GPC6: variants seen among roughly 807,000 people sequenced by gnomAD.
GPC6 encodes the protein glypican-6.
A neutral mutation model predicts 55.2 loss-of-function variants in GPC6; 14 were observed. That is an observed-to-expected ratio of 0.25 (90% CI 0.17 to 0.40). GPC6 has a LOEUF of 0.40. Among genes scored for constraint, GPC6 ranks in the 10% least tolerant of loss-of-function variants. The probability of loss-of-function intolerance (pLI) is 1.00; values close to 1 mark genes in which losing one functional copy is unlikely to be tolerated. For missense variants in GPC6, 641 were observed against 708.5 expected (o/e 0.90, Z 1.08); for synonymous variants, 278 against 259.6 (o/e 1.07, Z -0.68).
At chr13:94,050,650 C>T (rs1286996703) in intron 4 of GPC6, among the ~76,000 whole-genome samples, 3 of 152,124 alleles carry the variant, frequency 2.0e-5, no homozygotes, top group South Asian at 2.1e-4. Flanking sequence ...CTGGCACCAG[C>T]GCTAAGGTGC....
At chr13:93,822,625 T>C (rs1369359240) in intron 2 of GPC6, among the ~76,000 whole-genome samples, 4 of 143,118 alleles carry the variant, frequency 2.8e-5, no homozygotes, top group Non-Finnish European at 4.6e-5. Context: ...AGCCCCAGTG[T>C]GTGATGTTCC....
intron 2 of GPC6, among the ~76,000 whole-genome samples, chr13:93,765,501 A>C (rs1033406595): frequency 6.6e-6 from 1 of 152,122 alleles, no homozygotes; most frequent in Non-Finnish European, 1.5e-5. Flanking sequence ...AAAAAAAATG[A>C]GATGAGTTTA....
chr13:94,072,660 T>G (rs1361712005), intron 4 of GPC6, among the ~76,000 whole-genome samples: 1 of 152,218 alleles, frequency 6.6e-6, no homozygotes, highest in Non-Finnish European at 1.5e-5. Flanking sequence ...CCGCCCCTTG[T>G]ATATAGACTT....
intron 3 of GPC6, among the ~76,000 whole-genome samples, chr13:93,895,130 G>A (rs1452216543): frequency 6.8e-6 from 1 of 147,832 alleles, no homozygotes; most frequent in African/African-American, 2.5e-5. Flanking sequence ...GTCCATATAT[G>A]TCTATATATA....
chr13:94,333,887 A>T (rs1415942131), intron 6 of GPC6, among the ~76,000 whole-genome samples: 1 of 152,166 alleles, frequency 6.6e-6, no homozygotes, highest in East Asian at 1.9e-4. Context: ...AACTATTAGG[A>T]TGGAGAAACT....
chr13:93,713,837 G>C (rs1042660805), intron 2 of GPC6, among the ~76,000 whole-genome samples: 18 of 151,780 alleles, frequency 1.2e-4, no homozygotes, highest in Non-Finnish European at 2.1e-4. Flanking sequence ...TCTCAGGCTA[G>C]CAGCTCTAAC....
chr13:93,505,931 A>G (rs1278893982), intron 1 of GPC6, among the ~76,000 whole-genome samples: 1 of 152,210 alleles, frequency 6.6e-6, no homozygotes, highest in Non-Finnish European at 1.5e-5. Flanking sequence ...CTGCCTGTGT[A>G]TCTATTATAA....
chr13:93,395,763 T>C (rs1875826360), intron 1 of GPC6: 1 of 152,940 alleles, frequency 6.5e-6, no homozygotes, highest in Non-Finnish European at 1.5e-5. Context: ...ATTGGTTGTT[T>C]CAAAGCTCAG....
At chr13:94,126,343 A>C in intron 4 of GPC6, among the ~76,000 whole-genome samples, 1 of 152,178 alleles carries the variant, frequency 6.6e-6, no homozygotes, top group East Asian at 1.9e-4. Context: ...TGATCATGCA[A>C]CTGTACTCCA....
At chr13:93,880,458 C>T (rs974550680) in intron 3 of GPC6, among the ~76,000 whole-genome samples, 7 of 151,980 alleles carry the variant, frequency 4.6e-5, no homozygotes, top group East Asian at 1.9e-4. Flanking sequence ...AGCAAACTAT[C>T]GCAAGAACAA....
At chr13:93,552,105 G>T (rs1349554321) in intron 2 of GPC6, among the ~76,000 whole-genome samples, 1 of 152,122 alleles carries the variant, frequency 6.6e-6, no homozygotes, top group Non-Finnish European at 1.5e-5. Context: ...CTGTACATTT[G>T]CTAGGCTACC....
At position 94,124,402 on chromosome 13, in the gene GPC6, T is replaced by C. The variant is rs370207317; in HGVS notation, c.877+96508T>C. On this transcript the variant is annotated intron_variant, in intron 4 of 8. Transcript: ENST00000377047. Reference sequence around the variant, plus strand: ...CAGCTTGGCACCTGTGATGCAAAGATAATCAAGTCATGATTCCTGCCTTCA... The same window carrying C: ...CAGCTTGGCACCTGTGATGCAAAGACAATCAAGTCATGATTCCTGCCTTCA... Among the ~76,000 whole-genome samples, 42 of 152,240 alleles carry C rather than the reference T, an allele frequency of 2.8e-4. No homozygotes were observed. The South Asian group carries it at 8.7e-3, about 32-fold the overall frequency.
chr13:93,372,308 A>G (rs1222904490), intron 1 of GPC6, among the ~76,000 whole-genome samples: 1 of 90,310 alleles, frequency 1.1e-5, no homozygotes, highest in Non-Finnish European at 2.7e-5. Flanking sequence ...CTTATTGGCT[A>G]TGAGTTTGCT....
intron 7 of GPC6, among the ~76,000 whole-genome samples, chr13:94,384,508 CTGA>C (rs1251034676): frequency 6.6e-6 from 1 of 152,146 alleles, no homozygotes; most frequent in Non-Finnish European, 1.5e-5. Flanking sequence ...ACACAGGTTG[CTGA>C]TATTAGTCCA....
chr13:94,040,316 T>C (rs1226697173), intron 4 of GPC6, among the ~76,000 whole-genome samples: 1 of 151,816 alleles, frequency 6.6e-6, no homozygotes, highest in African/African-American at 2.4e-5. Flanking sequence ...AAACACAATA[T>C]GTAAGGACCA....
intron 4 of GPC6, among the ~76,000 whole-genome samples, chr13:94,280,055 A>T (rs914352968): frequency 6.6e-6 from 1 of 152,148 alleles, no homozygotes; most frequent in Non-Finnish European, 1.5e-5. Flanking sequence ...AAAGTCTCCC[A>T]CTATTATTGT....
chr13:93,575,274 G>A (rs1876603388), intron 2 of GPC6, among the ~76,000 whole-genome samples: 1 of 152,120 alleles, frequency 6.6e-6, no homozygotes, highest in Admixed American at 6.6e-5. Context: ...CTGGGGTATA[G>A]AACGATACTC....
At chr13:93,857,605 T>G (rs377131923) in intron 3 of GPC6, among the ~76,000 whole-genome samples, 38 of 151,624 alleles carry the variant, frequency 2.5e-4, no homozygotes, top group African/African-American at 8.0e-4. Context: ...AAAGAAGCTT[T>G]AAATTGAAAT....
At chr13:93,782,743 T>G (rs1406100674) in intron 2 of GPC6, among the ~76,000 whole-genome samples, 1 of 152,144 alleles carries the variant, frequency 6.6e-6, no homozygotes, top group African/African-American at 2.4e-5. Context: ...GAAATATTTG[T>G]TTAGGTCCTT....
Sources: gnomAD v4.1 joint callset for allele counts (sites outside exome capture counted in the v4.1 genomes callset) on GRCh38, gnomAD v4.1.1 for gene constraint, MANE v1.5 for transcripts, NCBI Gene and HGNC (gene_info 2026-07-23, HGNC 2026-07-21) for gene names.